The following PARVA variants were observed in gnomAD, a reference collection of about 807,000 sequenced individuals.
PARVA encodes the protein alpha-parvin.
Under a neutral mutation model 52.6 loss-of-function variants are expected in PARVA, and 25 were observed. That is an observed-to-expected ratio of 0.48 (90% confidence interval 0.35 to 0.66). PARVA has a LOEUF of 0.66. PARVA is among the 30% of genes least tolerant of loss of function. The pLI, the probability that PARVA is intolerant of heterozygous loss-of-function variation, is 0.01. For missense variants in PARVA, 373 were observed against 450.9 expected (o/e 0.83, Z 1.56); for synonymous variants, 185 against 179.1 (o/e 1.03, Z -0.26).
chr11:12,394,203 TG>T (rs1645653134), intron 1 of PARVA, among the ~76,000 whole-genome samples: 1 of 152,170 alleles, frequency 6.6e-6, no homozygotes, highest in African/African-American at 2.4e-5. Flanking sequence ...GAGGTATCAC[TG>T]GGCTTGGAAT....
At chr11:12,525,854 G>A (rs12366151) in intron 12 of PARVA, among the ~76,000 whole-genome samples, 41,953 of 151,926 alleles carry the variant, frequency 0.28, 6,024 homozygotes, top group Non-Finnish European at 0.31. Context: ...CCCAGCCAGG[G>A]TGGAGCAGGG....
In PARVA at chr11:12,395,208, G is replaced by C. The variant is rs75090110; in HGVS notation, c.136+17425G>C. The stretch of plus-strand genomic sequence containing the variant: ...GTTGAAAAAAGTCCACATATAAGTG[G>C]GTCTTACAACTCAAACTGCTGTTGT... On this transcript the variant is annotated intron_variant, in intron 1 of 12. Transcript: ENST00000334956. Among the ~76,000 whole-genome samples the C allele has an allele frequency of 2.0e-5, 3 of 152,096 alleles. No individual in the cohort carries two copies. The South Asian group carries it at 6.2e-4, about 32-fold the overall frequency.
chr11:12,482,353 G>A (rs1457520147), intron 4 of PARVA, among the ~76,000 whole-genome samples: 2 of 152,010 alleles, frequency 1.3e-5, no homozygotes, highest in South Asian at 2.1e-4. Context: ...CTGGCCGGGT[G>A]TGGTGGCTCA....
intron 1 of PARVA, among the ~76,000 whole-genome samples, chr11:12,402,218 A>T (rs1939838176): frequency 6.6e-6 from 1 of 152,188 alleles, no homozygotes; most frequent in African/African-American, 2.4e-5. Flanking sequence ...GGGACAGGAT[A>T]TTGACCAGCA....
Position 12,524,971 on chromosome 11 carries a change from G to A in PARVA, c.1043-2878G>A, listed in dbSNP as rs1941682458. Among the ~76,000 whole-genome samples, 4 of 152,226 alleles carry A rather than the reference G, an allele frequency of 2.6e-5. No individual in the cohort carries two copies. The South Asian group carries it at 8.3e-4, about 31-fold the overall frequency. ...GGGTCAGGAAGGCCTCCCTCCAGGA[G>A]CCTGTGCTTTGAGCTGAGGTCTGCA... On this transcript the variant is annotated intron_variant, in intron 12 of 12. Transcript: ENST00000334956.
At chr11:12,478,466 T>G in intron 4 of PARVA, 1 of 224,546 alleles carries the variant, frequency 4.5e-6, no homozygotes, top group Non-Finnish European at 8.9e-6. Context: ...AATTCAGGGG[T>G]AATCTTAGTG....
At chr11:12,395,040 A>C (rs1939718117) in intron 1 of PARVA, among the ~76,000 whole-genome samples, 1 of 151,560 alleles carries the variant, frequency 6.6e-6, no homozygotes, top group Non-Finnish European at 1.5e-5. Context: ...GCAGTGAACC[A>C]AGGTCAGGCC....
chr11:12,509,830 A>G (rs1478444395), intron 7 of PARVA, among the ~76,000 whole-genome samples: 1 of 152,166 alleles, frequency 6.6e-6, no homozygotes, highest in East Asian at 1.9e-4. Context: ...GGGAGGAGCC[A>G]GGCCTGTTGG....
chr11:12,513,477 T>C lies in PARVA; in HGVS notation c.798+117T>C, dbSNP rs1237992756. 9.1e-6 allele frequency: 8 copies of C among 879,258 alleles called. No individual in the cohort carries two copies. In the East Asian group the frequency reaches 1.7e-4, roughly 19 times the overall value. 54.5% of individuals were successfully genotyped at this position (879,258 alleles called of 1,614,324 possible). ...AGAACTGGTGGCATCACCTAACCTCTGCACACACAGGGCTTTCCCCCTTGC... is the reference window on the plus strand; with the variant it reads ...AGAACTGGTGGCATCACCTAACCTCCGCACACACAGGGCTTTCCCCCTTGC... On this transcript the variant is annotated intron_variant, in intron 9 of 12. Transcript: ENST00000334956.
At position 12,532,068 on chromosome 11, in the gene PARVA, A is replaced by G. The variant is rs1229701183; in HGVS notation, c.*4143A>G. Among the ~76,000 whole-genome samples, 1 of 152,182 alleles carries G rather than the reference A, an allele frequency of 6.6e-6. No homozygotes were observed. The highest frequency in any genetic ancestry group is 1.5e-5 in the Non-Finnish European group (1 of 68,024). ...AAACTCTGCTTATAGCCCATGCTTT[A>G]CTACAGTGGTGGTCGCATATGTGAA... is the stretch of plus-strand genomic sequence containing the variant. On this transcript the variant is annotated 3_prime_UTR_variant, in exon 13 of 13. Coordinates refer to ENST00000334956, the MANE Select transcript of PARVA (RefSeq NM_018222.5).
Position 12,533,808 on chromosome 11 carries a change from C to CTGAGGAGGA in PARVA, c.*5883_*5884insTGAGGAGGA, listed in dbSNP as rs56689985. ...CCTCATGGTCATCACATTGAGTAGG[C>CTGAGGAGGA]GGAGGAGGAGGAGGAGGAGGAGGAG... On this transcript the variant is annotated 3_prime_UTR_variant, in exon 13 of 13. Transcript: ENST00000334956. 0.023 allele frequency among the ~76,000 whole-genome samples: 3,449 copies of CTGAGGAGGA among 150,244 alleles called. 148 individuals carry two copies. The highest frequency in any genetic ancestry group is 0.073 in the African/African-American group (2,978 of 40,668).
Position 12,532,729 on chromosome 11 carries a change from A to G in PARVA, c.*4804A>G, listed in dbSNP as rs956706557. ...ATCCCTCAGTCGTGGAGCTACTCCA[A>G]TGAGAAGCCTGCCACTCCAGGGCGC... On this transcript the variant is annotated 3_prime_UTR_variant, in exon 13 of 13. Coordinates refer to ENST00000334956, the MANE Select transcript of PARVA (RefSeq NM_018222.5). 1.3e-5 allele frequency among the ~76,000 whole-genome samples: 2 copies of G among 152,204 alleles called. No individual in the cohort carries two copies. Among genetic ancestry groups the G allele is most frequent in the African/African-American group, 2.4e-5 (1 of 41,462 alleles).
chr11:12,400,905 G>A (rs1939818579), intron 1 of PARVA, among the ~76,000 whole-genome samples: 1 of 152,204 alleles, frequency 6.6e-6, no homozygotes, highest in Non-Finnish European at 1.5e-5. Flanking sequence ...GTGGGCAAAG[G>A]GAGGCCTGAG....
At chr11:12,415,963 C>A (rs1208268195) in intron 1 of PARVA, among the ~76,000 whole-genome samples, 2 of 152,352 alleles carry the variant, frequency 1.3e-5, no homozygotes, top group Admixed American at 6.5e-5. Flanking sequence ...TGGCACTAAT[C>A]TATGCTTGCC....
At chr11:12,383,941 T>C (rs1469098341) in intron 1 of PARVA, among the ~76,000 whole-genome samples, 2 of 152,130 alleles carry the variant, frequency 1.3e-5, no homozygotes, top group Non-Finnish European at 2.9e-5. Flanking sequence ...CTAAAACCCT[T>C]CCCTGGATTT....
rs1243553803 is a variant in PARVA, at chr11:12,465,844, A to T, written c.137-7901A>T. On this transcript the variant is annotated intron_variant, in intron 1 of 12. Transcript: ENST00000334956. ...TATTCACATTCAGGGTTTTGTGTGA[A>T]CATGTTTTCAAATCAGTTGGGTAAA... Among the ~76,000 whole-genome samples the T allele has an allele frequency of 2.6e-5, 4 of 152,378 alleles. No individual in the cohort carries two copies. The East Asian group carries it at 7.7e-4, about 29-fold the overall frequency.
At position 12,529,546 on chromosome 11, in the gene PARVA, TCTGTGACTAC is replaced by T. The variant is rs1420273574; in HGVS notation, c.*1624_*1633del. On this transcript the variant is annotated 3_prime_UTR_variant, in exon 13 of 13. Coordinates refer to ENST00000334956, the MANE Select transcript of PARVA (RefSeq NM_018222.5). ...CAGCCCAAGTACCCTCCTCCAGAAGTCTGTGACTACCTTGTCACTACTTTAGGCCCATTCC... is the reference window on the plus strand; with the variant it reads ...CAGCCCAAGTACCCTCCTCCAGAAGTCTTGTCACTACTTTAGGCCCATTCC... 1 of 152,188 alleles carries T rather than the reference TCTGTGACTAC, an allele frequency of 6.6e-6. No homozygotes were observed. Among genetic ancestry groups the T allele is most frequent in the Non-Finnish European group, 1.5e-5 (1 of 68,026 alleles). 9.4% of individuals were successfully genotyped at this position (152,188 alleles called of 1,614,324 possible).
intron 7 of PARVA, among the ~76,000 whole-genome samples, chr11:12,510,967 G>A (rs1280118574): frequency 6.6e-6 from 1 of 152,126 alleles, no homozygotes; most frequent in Non-Finnish European, 1.5e-5. Context: ...CTGCTTCTCT[G>A]CTATGAGTGT....
chr11:12,506,716 G>C (rs1941435360), intron 6 of PARVA, among the ~76,000 whole-genome samples: 1 of 152,212 alleles, frequency 6.6e-6, no homozygotes, highest in African/African-American at 2.4e-5. Flanking sequence ...CAGGTTTTAT[G>C]GGGTGTTTTT....
Sources: allele counts gnomAD v4.1 joint callset (sites outside exome capture counted in the v4.1 genomes callset), GRCh38; gene constraint gnomAD v4.1.1; transcripts MANE v1.5; gene names NCBI Gene and HGNC (gene_info 2026-07-23, HGNC 2026-07-21).